The following SHISA9 variants were observed in gnomAD, a reference collection of about 807,000 sequenced individuals.
SHISA9 encodes the protein protein shisa-9.
In SHISA9, 13 loss-of-function variants were observed where a neutral mutation model predicts 38.0. The observed-to-expected ratio is 0.34, with a 90% CI of 0.22 to 0.54. SHISA9 has a LOEUF of 0.54. Ranked by LOEUF, SHISA9 falls within the 20% of genes least tolerant of loss-of-function variation. The probability of loss-of-function intolerance (pLI) is 0.91; values close to 1 mark genes in which losing one functional copy is unlikely to be tolerated. For synonymous variants in SHISA9, 275 were observed against 242.0 expected, an observed-to-expected ratio of 1.14 and a Z score of -1.27; for missense variants, 538 against 575.8, an observed-to-expected ratio of 0.93 and a Z score of 0.67.
chr16:13,363,371 C>T, the SHISA9 span, among the ~76,000 whole-genome samples: 2 of 152,168 alleles, frequency 1.3e-5, no homozygotes, highest in Non-Finnish European at 2.9e-5. Context: ...GGCACAATGA[C>T]CGGCACCTAA....
chr16:12,966,133 T>C (rs1386373921), intron 2 of SHISA9, among the ~76,000 whole-genome samples: 3 of 152,218 alleles, frequency 2.0e-5, no homozygotes, highest in Non-Finnish European at 4.4e-5. Flanking sequence ...TCTCTAAACA[T>C]TGCCAGATGT....
At chr16:13,363,547 T>G in the SHISA9 span, among the ~76,000 whole-genome samples, 1 of 152,198 alleles carries the variant, frequency 6.6e-6, no homozygotes, top group African/African-American at 2.4e-5. Context: ...AAGTGTATTC[T>G]GGACACATGA....
intron 2 of SHISA9, among the ~76,000 whole-genome samples, chr16:13,010,498 T>C (rs1021147206): frequency 6.6e-6 from 1 of 152,128 alleles, no homozygotes; most frequent in Non-Finnish European, 1.5e-5. Flanking sequence ...ATAATAGACA[T>C]AGAATTTTAG....
At chr16:13,365,097 C>T in the SHISA9 span, among the ~76,000 whole-genome samples, 1 of 152,098 alleles carries the variant, frequency 6.6e-6, no homozygotes, top group African/African-American at 2.4e-5. Flanking sequence ...AGTACCTATA[C>T]CTATATTGTG....
At chr16:13,277,072 A>C in the SHISA9 span, among the ~76,000 whole-genome samples, 2 of 152,168 alleles carry the variant, frequency 1.3e-5, no homozygotes, top group Non-Finnish European at 2.9e-5. Context: ...TCCTTAATCC[A>C]TCTTGTGTTG....
At position 12,921,541 on chromosome 16, in the gene SHISA9, C is replaced by A. The variant is rs144090391; in HGVS notation, c.691+4726C>A. On this transcript the variant is annotated intron_variant, in intron 2 of 4. Transcript: ENST00000558583. ...CTTTAGGAGGCAAAGGCGGGAGGAT[C>A]GTTTGAGGTCAGGAGTTCGAGACCA... Among the ~76,000 whole-genome samples the A allele has an allele frequency of 9.5e-3, 1,451 of 152,142 alleles. 7 individuals carry two copies. The highest frequency in any genetic ancestry group is 0.048 in the Middle Eastern group (14 of 292).
intron 2 of SHISA9, among the ~76,000 whole-genome samples, chr16:12,983,016 G>C (rs1273930529): frequency 1.3e-5 from 2 of 152,190 alleles, no homozygotes; most frequent in Non-Finnish European, 2.9e-5. Flanking sequence ...ACTCTTGTGA[G>C]GTGGTATTGG....
At chr16:13,033,490 T>G (rs964094020) in intron 2 of SHISA9, among the ~76,000 whole-genome samples, 1 of 152,212 alleles carries the variant, frequency 6.6e-6, no homozygotes, top group African/African-American at 2.4e-5. Flanking sequence ...ATGATCTTCA[T>G]AATCATAGTA....
the SHISA9 span, among the ~76,000 whole-genome samples, chr16:13,335,987 ACAACC>A: frequency 6.6e-6 from 1 of 152,230 alleles, no homozygotes; most frequent in Admixed American, 6.5e-5. Flanking sequence ...GTGCCGCCTG[ACAACC>A]GCCCATCTGG....
chr16:13,282,324 G>A, the SHISA9 span, among the ~76,000 whole-genome samples: 1 of 151,544 alleles, frequency 6.6e-6, no homozygotes, highest in Non-Finnish European at 1.5e-5. Flanking sequence ...AGATTTTTTT[G>A]TTATTGTTTC....
intron 2 of SHISA9, among the ~76,000 whole-genome samples, chr16:13,185,902 T>C (rs994092944): frequency 2.0e-5 from 3 of 152,224 alleles, no homozygotes; most frequent in African/African-American, 7.2e-5. Flanking sequence ...GGACTGAGTT[T>C]TGTAAAACTG....
At chr16:13,538,579 T>C in the SHISA9 span, among the ~76,000 whole-genome samples, 2 of 152,162 alleles carry the variant, frequency 1.3e-5, no homozygotes, top group Non-Finnish European at 2.9e-5. Flanking sequence ...TGCTTCCTAG[T>C]CTAAATGGTT....
chr16:13,494,436 A>G, the SHISA9 span, among the ~76,000 whole-genome samples: 1 of 151,774 alleles, frequency 6.6e-6, no homozygotes, highest in East Asian at 1.9e-4. Flanking sequence ...TTTTATCTTT[A>G]AAAAGAAGGA....
chr16:13,052,075 A>G, intron 2 of SHISA9, among the ~76,000 whole-genome samples: 1 of 152,188 alleles, frequency 6.6e-6, no homozygotes, highest in East Asian at 1.9e-4. Context: ...GCATTTAAAA[A>G]TTTTAATAAT....
chr16:13,144,241 C>G (rs2050427799), intron 2 of SHISA9, among the ~76,000 whole-genome samples: 1 of 151,168 alleles, frequency 6.6e-6, no homozygotes, highest in African/African-American at 2.4e-5. Context: ...CAACCTCTGT[C>G]TCCTGGGTTC....
At chr16:13,357,868 C>T in the SHISA9 span, among the ~76,000 whole-genome samples, 2 of 152,018 alleles carry the variant, frequency 1.3e-5, no homozygotes, top group Non-Finnish European at 2.9e-5. Context: ...AGGACTTTCA[C>T]AAGGTAATGT....
chr16:13,555,456 A>G, the SHISA9 span, among the ~76,000 whole-genome samples: 1 of 152,244 alleles, frequency 6.6e-6, no homozygotes, highest in African/African-American at 2.4e-5. Flanking sequence ...TAGTTCCTTT[A>G]TATACCAGGA....
At chr16:12,972,280 G>T (rs376909623) in intron 2 of SHISA9, among the ~76,000 whole-genome samples, 37 of 152,120 alleles carry the variant, frequency 2.4e-4, no homozygotes, top group African/African-American at 8.9e-4. Flanking sequence ...AGAGGAAACA[G>T]AAGAGCAGAA....
At chr16:13,344,459 C>G in the SHISA9 span, among the ~76,000 whole-genome samples, 2 of 150,466 alleles carry the variant, frequency 1.3e-5, no homozygotes, top group African/African-American at 4.9e-5. Context: ...CCTCTATGCC[C>G]TTTTCTTATT....
Sources: allele counts gnomAD v4.1 joint callset (sites outside exome capture counted in the v4.1 genomes callset), GRCh38; gene constraint gnomAD v4.1.1; transcripts MANE v1.5; gene names NCBI Gene and HGNC (gene_info 2026-07-23, HGNC 2026-07-21).